The following LPAR4 variants were observed in gnomAD, a reference collection of about 807,000 sequenced individuals.
LPAR4 encodes the protein lysophosphatidic acid receptor 4.
LPAR4 carries 14 observed loss-of-function variants against 9.2 expected under a neutral mutation model. The ratio of observed to expected loss-of-function variants is 1.51; its 90% confidence interval spans 1.00 to 2.37. LPAR4 has a LOEUF of 2.37. Among genes scored for constraint, LPAR4 ranks in the 30% most tolerant of loss-of-function variants. The probability of loss-of-function intolerance (pLI) is 0.00; values close to 1 mark genes in which losing one functional copy is unlikely to be tolerated. For missense variants in LPAR4, 251 were observed against 272.1 expected (o/e 0.92, Z 0.55); for synonymous variants, 131 against 97.9 (o/e 1.34, Z -1.99).
chrX:78,756,238 G>T lies in LPAR4; in HGVS notation c.*256G>T, dbSNP rs1925286920. The T allele has an allele frequency of 9.4e-6, 3 of 319,814 alleles. No homozygotes were observed. The highest frequency in any genetic ancestry group is 1.7e-5 in the Non-Finnish European group (3 of 179,691). 26.4% of individuals were successfully genotyped at this position (319,814 alleles called of 1,213,427 possible). A position where few individuals can be genotyped will look rare whatever the true frequency, so the allele number is the denominator to read the frequency against. On this transcript the variant is annotated 3_prime_UTR_variant, in exon 5 of 5. Transcript: ENST00000614823. ...TTCATTGTATCGCATTATCCAGGTG[G>T]CTAGTGGCATTTGATAATATAGAGA... is the stretch of plus-strand genomic sequence containing the variant.
chrX:78,751,323 C>A lies in LPAR4; in HGVS notation c.-80+12C>A, dbSNP rs1300296333. 2.7e-5 allele frequency: 3 copies of A among 110,802 alleles called. No homozygotes were observed. In the Admixed American group the frequency reaches 2.9e-4, roughly 11 times the overall value. 9.1% of individuals were successfully genotyped at this position (110,802 alleles called of 1,213,427 possible). A position where few individuals can be genotyped will look rare whatever the true frequency, so the allele number is the denominator to read the frequency against. On this transcript the variant is annotated intron_variant, in intron 4 of 4. Coordinates refer to ENST00000614823, the MANE Select transcript of LPAR4 (RefSeq NM_001278000.3). The stretch of plus-strand genomic sequence containing the variant: ...TTCGAACTAATGTGGTGAGTCCTAC[C>A]CTCCTGAAAATTACTGAAATAATAA...
chrX:78,750,970 A>G (rs1230696661), intron 3 of LPAR4, among the ~76,000 whole-genome samples, 178 bp downstream of exon 3: 2 of 111,392 alleles, frequency 1.8e-5, no homozygotes, highest in Non-Finnish European at 3.8e-5. Flanking sequence ...CTAAAAAAAT[A>G]TAGCACAGCA....
intron 4 of LPAR4, 122 bp downstream of exon 4, chrX:78,751,433 A>G (rs767643343): frequency 8.9e-6 from 1 of 111,977 alleles, no homozygotes; most frequent in Admixed American, 9.5e-5. Context: ...CCAACTTTTT[A>G]AAGATTGTAT....
chrX:78,751,097 A>G lies in LPAR4; in HGVS notation c.-181-113A>G, dbSNP rs1749545008. ...TTTACTCTGGTTTATATCATATAAT[A>G]CTTTTTCTGTCTTATGATCTTCTAT... On this transcript the variant is annotated intron_variant, in intron 3 of 4. Transcript: ENST00000614823. The G allele has an allele frequency of 2.7e-5, 3 of 111,977 alleles. No homozygotes were observed. In the Admixed American group the frequency reaches 2.8e-4, roughly 11 times the overall value. The allele number at this position is 111,977 out of a possible 1,213,427, so 9.2% of individuals were successfully genotyped here. A position where few individuals can be genotyped will look rare whatever the true frequency, so the allele number is the denominator to read the frequency against.
At chrX:78,749,471 C>T in intron 1 of LPAR4, among the ~76,000 whole-genome samples, 1 of 111,420 alleles carries the variant, frequency 9.0e-6, no homozygotes, top group African/African-American at 3.3e-5. Flanking sequence ...AATGATTCTA[C>T]ATGGTTATGT....
In LPAR4 at chrX:78,754,822, C is replaced by T. The variant is rs765623591; in HGVS notation, c.-48C>T. The T allele has an allele frequency of 9.2e-7, 1 of 1,091,699 alleles. No individual in the cohort carries two copies. Among genetic ancestry groups the T allele is most frequent in the Non-Finnish European group, 1.2e-6 (1 of 814,889 alleles). 90.0% of individuals were successfully genotyped at this position (1,091,699 alleles called of 1,213,427 possible). On this transcript the variant is annotated 5_prime_UTR_variant, in exon 5 of 5. Transcript: ENST00000614823. Reference sequence around the variant, plus strand: ...AATATTTCCTACCGGTCCATAGTGTCAGAGTGGTGAACCCCTGCAGCCAGC... The same window carrying T: ...AATATTTCCTACCGGTCCATAGTGTTAGAGTGGTGAACCCCTGCAGCCAGC...
chrX:78,756,219 G>T lies in LPAR4; in HGVS notation c.*237G>T. 2.8e-6 allele frequency: 1 copy of T among 355,664 alleles called. No individual in the cohort carries two copies. The highest frequency in any genetic ancestry group is 5.0e-6 in the Non-Finnish European group (1 of 200,042). The allele number at this position is 355,664 out of a possible 1,213,427, so 29.3% of individuals were successfully genotyped here. ...TCTTCTGCTTGGTTGGAATTTCATT[G>T]TATCGCATTATCCAGGTGGCTAGTG... On this transcript the variant is annotated 3_prime_UTR_variant, in exon 5 of 5. Coordinates refer to ENST00000614823, the MANE Select transcript of LPAR4 (RefSeq NM_001278000.3).
intron 4 of LPAR4, 123 bp from the exon 5 acceptor site, chrX:78,754,668 T>C (rs1342468003): frequency 5.1e-6 from 2 of 392,993 alleles, no homozygotes; most frequent in Admixed American, 9.8e-5. Flanking sequence ...GTTCAAAAAA[T>C]ACTTGTCAAA....
In LPAR4 at chrX:78,756,282, A is replaced by C. The variant is rs946494031; in HGVS notation, c.*300A>C. ...ATAGAGATGACTTTGAAACTTTCAA[A>C]AAGGTATTTCTATTCCAATGATATT... On this transcript the variant is annotated 3_prime_UTR_variant, in exon 5 of 5. Coordinates refer to ENST00000614823, the MANE Select transcript of LPAR4 (RefSeq NM_001278000.3). The C allele has an allele frequency of 4.6e-6, 1 of 217,998 alleles. No homozygotes were observed. Among genetic ancestry groups the C allele is most frequent in the Non-Finnish European group, 8.7e-6 (1 of 115,000 alleles). 18.0% of individuals were successfully genotyped at this position (217,998 alleles called of 1,213,427 possible).
chrX:78,750,495 A>G (rs1353340747), intron 2 of LPAR4, among the ~76,000 whole-genome samples: 1 of 111,486 alleles, frequency 9.0e-6, no homozygotes, highest in East Asian at 2.8e-4. Flanking sequence ...GGTTTTATAC[A>G]AATATTTTGT....
rs944342480 is a variant in LPAR4 at position 78,757,419 on chromosome X, A to G, written c.*1437A>G. 8.9e-5 allele frequency among the ~76,000 whole-genome samples: 10 copies of G among 111,965 alleles called. No homozygotes were observed. Among genetic ancestry groups the G allele is most frequent in the African/African-American group, 1.9e-4 (6 of 30,974 alleles). ...ACTTACAAAACACTATAACATTCATATAATGCTTTGGATCAAATTGCAACT... is the reference window on the plus strand; with the variant it reads ...ACTTACAAAACACTATAACATTCATGTAATGCTTTGGATCAAATTGCAACT... On this transcript the variant is annotated 3_prime_UTR_variant, in exon 5 of 5. Coordinates refer to ENST00000614823, the MANE Select transcript of LPAR4 (RefSeq NM_001278000.3).
intron 2 of LPAR4, among the ~76,000 whole-genome samples, 189 bp downstream of exon 2, chrX:78,750,412 A>G (rs1925007888): frequency 8.9e-6 from 1 of 112,003 alleles, no homozygotes. Context: ...TCTACTTTAC[A>G]GATGGAAGCA....
At chrX:78,754,386 A>G (rs1450390832) in intron 4 of LPAR4, among the ~76,000 whole-genome samples, 1 of 111,584 alleles carries the variant, frequency 9.0e-6, no homozygotes, top group Non-Finnish European at 1.9e-5. Context: ...CTTCCATTAT[A>G]AAAGCATTTT....
At chrX:78,752,012 GA>G (rs1001505631) in intron 4 of LPAR4, among the ~76,000 whole-genome samples, 9 of 107,863 alleles carry the variant, frequency 8.3e-5, no homozygotes, top group African/African-American at 2.4e-4. Context: ...TTGATGAAAA[GA>G]AAAAAAAATA....
chrX:78,748,914 A>G (rs764991284), intron 1 of LPAR4: 1 of 111,977 alleles, frequency 8.9e-6, no homozygotes, highest in East Asian at 2.8e-4. Context: ...AAAATTCCCA[A>G]CATCATATCC....
At chrX:78,754,161 T>G (rs183005771) in intron 4 of LPAR4, among the ~76,000 whole-genome samples, 8 of 111,687 alleles carry the variant, frequency 7.2e-5, no homozygotes, top group African/African-American at 2.6e-4. Flanking sequence ...CTTACATAAA[T>G]GTAGTTCAAT....
At chrX:78,749,972 A>T (rs1924985908) in intron 1 of LPAR4, among the ~76,000 whole-genome samples, 1 of 111,418 alleles carries the variant, frequency 9.0e-6, no homozygotes, top group Non-Finnish European at 1.9e-5. Flanking sequence ...AGAGCTCGTG[A>T]TGGGGCTGGA....
rs1267077171 is a variant in LPAR4 at position 78,755,466 on chromosome X, T to G, written c.597T>G (p.Thr199=). The G allele has an allele frequency of 8.3e-7, 1 of 1,208,308 alleles. No homozygotes were observed. The highest frequency in any genetic ancestry group is 1.8e-5 in the African/African-American group (1 of 57,020). ...FEGFSKRVWK[T]YLSKITIFIE... is the part of the protein sequence containing the mutation. ...GCTTCTCCAAACGTGTCTGGAAGAC[T>G]TATTTATCCAAGATCACAATATTTA... Residue 199 remains threonine (T), a synonymous_variant, in exon 5 of 5, where the codon ACT becomes ACG. Transcript: ENST00000614823.
Position 78,755,468 on chromosome X carries a change from A to C in LPAR4, c.599A>C (p.Tyr200Ser). ...TTCTCCAAACGTGTCTGGAAGACTT[A>C]TTTATCCAAGATCACAATATTTATT... ...EGFSKRVWKT[Y>S]LSKITIFIEV... The change falls in exon 5 of 5, where the codon TAT becomes TCT. Residue 200 changes from tyrosine to serine, a missense_variant. By Grantham distance (144) the Tyr-to-Ser change is moderately radical. Transcript: ENST00000614823. 11 of 1,210,182 alleles carry C rather than the reference A, an allele frequency of 9.1e-6. No individual in the cohort carries two copies. The highest frequency in any genetic ancestry group is 1.2e-5 in the Non-Finnish European group (11 of 894,483).
Sources: gnomAD v4.1 joint callset for allele counts (sites outside exome capture counted in the v4.1 genomes callset) on GRCh38, gnomAD v4.1.1 for gene constraint, MANE v1.5 for transcripts, NCBI Gene and HGNC (gene_info 2026-07-23, HGNC 2026-07-21) for gene names.